The following IKBKB variants were observed in gnomAD, a reference collection of about 807,000 sequenced individuals.
The protein encoded by IKBKB is inhibitor of nuclear factor kappa-B kinase subunit beta.
In IKBKB, 42 loss-of-function variants were observed where a neutral mutation model predicts 113.6. The ratio of observed to expected loss-of-function variants is 0.37; its 90% CI spans 0.29 to 0.48. The LOEUF (loss-of-function observed/expected upper bound fraction) is 0.48, where lower values mean the gene tolerates loss of function less well. IKBKB is among the 20% of genes least tolerant of loss of function. IKBKB has a pLI of 0.99. For missense variants in IKBKB, 673 were observed against 939.7 expected, an observed-to-expected ratio of 0.72 and a Z score of 3.71; for synonymous variants, 296 against 361.3, an observed-to-expected ratio of 0.82 and a Z score of 2.05.
chr8:42,325,669 C>T, intron 19 of IKBKB: 1 of 1,131,088 alleles, frequency 8.8e-7, no homozygotes, highest in Non-Finnish European at 1.1e-6. Context: ...CAGAGCAAGA[C>T]TCTCAATCAT....
intron 5 of IKBKB, among the ~76,000 whole-genome samples, chr8:42,297,844 G>A (rs1380145296): frequency 1.3e-5 from 2 of 152,034 alleles, no homozygotes; most frequent in Non-Finnish European, 2.9e-5. Context: ...GCAGTGAGCC[G>A]AGATCGCGCC....
chr8:42,319,325 T>C lies in IKBKB; in HGVS notation c.1420T>C (p.Ser474Pro). The C allele has an allele frequency of 6.2e-7, 1 of 1,614,114 alleles. No homozygotes were observed. ...CLSKMKNSMA[S>P]MSQQLKAKLD... ...CTCCAAAATGAAGAATTCCATGGCTTCCATGTCTCAGCAGCTCAAGGCCAA... is the reference window on the plus strand; with the variant it reads ...CTCCAAAATGAAGAATTCCATGGCTCCCATGTCTCAGCAGCTCAAGGCCAA... The change falls in exon 14 of 22, where the codon TCC becomes CCC. Residue 474 changes from serine (S) to proline (P), a missense_variant. Physicochemically the swap from Ser to Pro is moderately conservative, Grantham distance 74 (BLOSUM62 -1). Coordinates refer to ENST00000520810, the MANE Select transcript of IKBKB (RefSeq NM_001556.3).
Position 42,319,361 on chromosome 8 carries a change from T to G in IKBKB, c.1456T>G (p.Phe486Val). The G allele has an allele frequency of 3.7e-6, 6 of 1,614,196 alleles. No individual in the cohort carries two copies. Among genetic ancestry groups the G allele is most frequent in the Non-Finnish European group, 5.1e-6 (6 of 1,180,026 alleles). Residue 486 changes from phenylalanine to valine, a missense_variant, in exon 14 of 22, where the codon TTC becomes GTC. Phe to Val is a conservative substitution (Grantham distance 50). Around this residue, in one of 2 missense-constraint regions of IKBKB, gnomAD observed 506 missense variants for 638.7 expected, o/e 0.79. Coordinates refer to ENST00000520810, the MANE Select transcript of IKBKB (RefSeq NM_001556.3). ...SQQLKAKLDFFKTSIQIDLEK... is the reference protein window; with the variant it reads ...SQQLKAKLDFVKTSIQIDLEK... ...GCAGCTCAAGGCCAAGTTGGATTTCTTCAAAACCAGCATCCAGATTGACCT... is the reference window on the plus strand; with the variant it reads ...GCAGCTCAAGGCCAAGTTGGATTTCGTCAAAACCAGCATCCAGATTGACCT...
At chr8:42,320,713 A>T (rs199881687) in intron 15 of IKBKB, 22 bp from the exon 16 acceptor site, 5 of 1,595,860 alleles carry the variant, frequency 3.1e-6, no homozygotes, top group Non-Finnish European at 4.3e-6. Context: ...ATCAGTTGAC[A>T]TTAGCACAGC....
chr8:42,272,305 C>T, intron 2 of IKBKB, 100 bp downstream of exon 2: 1 of 1,525,438 alleles, frequency 6.6e-7, no homozygotes. Context: ...TCACCTTTGG[C>T]TTTGGTCATC....
intron 2 of IKBKB, among the ~76,000 whole-genome samples, chr8:42,284,852 CTTTT>C (rs559953662): frequency 0.16 from 18,810 of 115,604 alleles, 3,071 homozygotes; most frequent in African/African-American, 0.51. Context: ...AAACGTTATT[CTTTT>C]TTTTTTTTTT....
rs1460784228 is a variant in IKBKB, at chr8:42,293,504, G to A, written c.380G>A (p.Ser127Asn). 3 of 1,614,062 alleles carry A rather than the reference G, an allele frequency of 1.9e-6. No homozygotes were observed. Among genetic ancestry groups the A allele is most frequent in the African/African-American group, 2.7e-5 (2 of 74,916 alleles). Residue 127 changes from serine (S) to asparagine (N), a missense_variant, in exon 5 of 22, where the codon AGT becomes AAT. Ser to Asn is a conservative substitution (Grantham distance 46). This residue lies in a region of IKBKB where 167 missense variants were observed against 301.0 expected (regional missense o/e 0.55). Coordinates refer to ENST00000520810, the MANE Select transcript of IKBKB (RefSeq NM_001556.3). ...LREGAILTLLSDIASALRYLH... is the reference protein window; with the variant it reads ...LREGAILTLLNDIASALRYLH... Reference sequence around the variant, plus strand: ...GAAGGTGCCATCCTCACCTTGCTGAGTGACATTGGTAAATCCCAGTCCCGG... The same window carrying A: ...GAAGGTGCCATCCTCACCTTGCTGAATGACATTGGTAAATCCCAGTCCCGG...
At chr8:42,272,863 C>T (rs554855247) in intron 2 of IKBKB, among the ~76,000 whole-genome samples, 1 of 150,358 alleles carries the variant, frequency 6.7e-6, no homozygotes, top group South Asian at 2.1e-4. Flanking sequence ...TCGCTTGAAC[C>T]CATGAGGCGG....
chr8:42,303,367 C>T (rs1158532769), intron 5 of IKBKB, among the ~76,000 whole-genome samples: 1 of 152,202 alleles, frequency 6.6e-6, no homozygotes, highest in African/African-American at 2.4e-5. Flanking sequence ...TCTAACATTT[C>T]CTAATGACTG....
At chr8:42,284,860 T>C (rs1422024605) in intron 2 of IKBKB, among the ~76,000 whole-genome samples, 1 of 144,836 alleles carries the variant, frequency 6.9e-6, no homozygotes, top group Non-Finnish European at 1.5e-5. Flanking sequence ...TTCTTTTTTT[T>C]TTTTTTTTTT....
At chr8:42,310,551 CTT>C (rs1817519033) in intron 8 of IKBKB, among the ~76,000 whole-genome samples, 1 of 152,184 alleles carries the variant, frequency 6.6e-6, no homozygotes, top group Admixed American at 6.5e-5. Flanking sequence ...ATGAGAATTT[CTT>C]TTTGAGCCAA....
rs760050188 is a variant in IKBKB at position 42,288,607 on chromosome 8, C to G, written c.106-27C>G. On this transcript the variant is annotated intron_variant, in intron 2 of 21. Transcript: ENST00000520810. ...GGGATTTGGCCTGCAGCTCGCTCTG[C>G]TGGTCCCCACTGTGCTGTTTCTGTA... 7 of 1,581,528 alleles carry G rather than the reference C, an allele frequency of 4.4e-6. No individual in the cohort carries two copies. The South Asian group carries it at 7.9e-5, about 18-fold the overall frequency.
chr8:42,283,977 G>A (rs544697459), intron 2 of IKBKB, among the ~76,000 whole-genome samples: 2 of 152,284 alleles, frequency 1.3e-5, no homozygotes, highest in African/African-American at 4.8e-5. Flanking sequence ...ACGCTGCAGC[G>A]GGGCCATCGG....
chr8:42,290,123 TG>T (rs1219997740), intron 3 of IKBKB, 32 bp from the exon 4 acceptor site: 1 of 1,500,464 alleles, frequency 6.7e-7, no homozygotes, highest in South Asian at 1.1e-5. Flanking sequence ...GGCAGGAGCC[TG>T]GGTCTGCTCT....
At chr8:42,330,019 C>T in intron 21 of IKBKB, 1 of 985,410 alleles carries the variant, frequency 1.0e-6, no homozygotes, top group Non-Finnish European at 1.2e-6. Context: ...TCTTGCTGCT[C>T]TCCTCCTCCT....
In IKBKB at chr8:42,322,128, G is replaced by A; in HGVS notation, c.1813G>A (p.Val605Met). 6.2e-7 allele frequency: 1 copy of A among 1,613,872 alleles called. No individual in the cohort carries two copies. Among genetic ancestry groups the A allele is most frequent in the Non-Finnish European group, 8.5e-7 (1 of 1,179,922 alleles). ...LQAIQSFEKK[V>M]RVIYTQLSKT... ...GGCAATTCAGAGCTTCGAGAAGAAAGTGCGAGTGATCTATACGCAGCTCAG... is the reference window on the plus strand; with the variant it reads ...GGCAATTCAGAGCTTCGAGAAGAAAATGCGAGTGATCTATACGCAGCTCAG... Residue 605 changes from valine (V) to methionine (M), a missense_variant, in exon 18 of 22, where the codon GTG becomes ATG. Around this residue, in one of 2 missense-constraint regions of IKBKB, gnomAD observed 506 missense variants for 638.7 expected, o/e 0.79. Coordinates refer to ENST00000520810, the MANE Select transcript of IKBKB (RefSeq NM_001556.3).
chr8:42,285,431 C>A (rs1811226793), intron 2 of IKBKB, among the ~76,000 whole-genome samples: 1 of 151,994 alleles, frequency 6.6e-6, no homozygotes, highest in Admixed American at 6.6e-5. Context: ...ATGACACATG[C>A]TTGTAATCCC....
At chr8:42,286,326 G>T (rs1811411512) in intron 2 of IKBKB, among the ~76,000 whole-genome samples, 1 of 152,118 alleles carries the variant, frequency 6.6e-6, no homozygotes, top group Non-Finnish European at 1.5e-5. Context: ...ACAGCTTCTG[G>T]TGTATGTGGA....
chr8:42,274,624 C>T (rs1808555388), intron 2 of IKBKB, among the ~76,000 whole-genome samples: 1 of 151,462 alleles, frequency 6.6e-6, no homozygotes, highest in African/African-American at 2.4e-5. Context: ...CCTCTGCCTC[C>T]CAGGTTCAAG....
Sources: gnomAD v4.1 joint callset for allele counts (sites outside exome capture counted in the v4.1 genomes callset) on GRCh38, gnomAD v4.1.1 for gene constraint, gnomAD v4.1.1 regional missense constraint, MANE v1.5 for transcripts, NCBI Gene and HGNC (gene_info 2026-07-23, HGNC 2026-07-21) for gene names.